Variants in CADM2 observed in about 807,000 individuals in gnomAD.
The protein encoded by CADM2 is cell adhesion molecule 2.
CADM2 carries 12 observed loss-of-function variants against 49.8 expected under a neutral mutation model. The observed-to-expected ratio is 0.24, with a 90% CI of 0.15 to 0.39. The LOEUF is 0.39. Among genes scored for constraint, CADM2 ranks in the 10% least tolerant of loss-of-function variants. The pLI is 1.00. For synonymous variants in CADM2, 214 were observed against 175.4 expected, an observed-to-expected ratio of 1.22 and a Z score of -1.74; for missense variants, 378 against 492.3, an observed-to-expected ratio of 0.77 and a Z score of 2.20.
At chr3:85,925,141 A>C (rs1719659853) in intron 6 of CADM2, among the ~76,000 whole-genome samples, 1 of 100,612 alleles carries the variant, frequency 9.9e-6, no homozygotes, top group Middle Eastern at 4.6e-3. Flanking sequence ...CTTCTGACAA[A>C]TATGTATAAT....
At chr3:85,815,123 A>G (rs977767070) in intron 3 of CADM2, among the ~76,000 whole-genome samples, 2 of 152,150 alleles carry the variant, frequency 1.3e-5, no homozygotes, top group Non-Finnish European at 2.9e-5. Flanking sequence ...AAACTGAAAA[A>G]GTCCAGAACC....
chr3:86,037,059 C>A (rs1171066936), intron 8 of CADM2, among the ~76,000 whole-genome samples: 1 of 152,104 alleles, frequency 6.6e-6, no homozygotes, highest in East Asian at 1.9e-4. Context: ...CAGGACAAGT[C>A]TAACTTATCT....
At chr3:85,921,633 A>G (rs1719128781) in intron 6 of CADM2, among the ~76,000 whole-genome samples, 1 of 152,106 alleles carries the variant, frequency 6.6e-6, no homozygotes. Context: ...CTTTGTCACA[A>G]CTGAAGAACT....
chr3:85,159,314 T>C (rs2040242632), intron 1 of CADM2, among the ~76,000 whole-genome samples: 1 of 146,744 alleles, frequency 6.8e-6, no homozygotes, highest in Non-Finnish European at 1.5e-5. Context: ...TGGTCCAGAG[T>C]GGAGAGATGG....
intron 1 of CADM2, among the ~76,000 whole-genome samples, chr3:85,686,352 T>C (rs934475467): frequency 6.6e-5 from 10 of 152,196 alleles, no homozygotes; most frequent in Admixed American, 6.5e-5. Flanking sequence ...TCTATGAATT[T>C]TTAAAAAATG....
At chr3:85,366,666 C>A (rs1472091152) in intron 1 of CADM2, among the ~76,000 whole-genome samples, 1 of 152,030 alleles carries the variant, frequency 6.6e-6, no homozygotes, top group African/African-American at 2.4e-5. Flanking sequence ...TTTCTAGTAG[C>A]ATTTGTTTTA....
intron 1 of CADM2, among the ~76,000 whole-genome samples, chr3:85,212,878 CTTT>C (rs2041827853): frequency 8.4e-6 from 1 of 119,460 alleles, no homozygotes; most frequent in African/African-American, 4.3e-5. Flanking sequence ...TTCTTTCTTT[CTTT>C]CTTTCTCTTT....
At chr3:85,932,964 A>G (rs1445222324) in intron 6 of CADM2, among the ~76,000 whole-genome samples, 1 of 152,126 alleles carries the variant, frequency 6.6e-6, no homozygotes, top group Non-Finnish European at 1.5e-5. Flanking sequence ...TCAGATCTAA[A>G]GGGAATGCTG....
In CADM2 at chr3:85,068,966, A is replaced by G. The variant is rs183163193; in HGVS notation, c.61+109298A>G. Among the ~76,000 whole-genome samples, 8 of 152,190 alleles carry G rather than the reference A, an allele frequency of 5.3e-5. No individual in the cohort carries two copies. The East Asian group carries it at 1.5e-3, about 29-fold the overall frequency. On this transcript the variant is annotated intron_variant, in intron 1 of 9. Transcript: ENST00000383699. ...ATAGAAACTTTGTCTCATCAATCTC[A>G]TGAACCATTTAGTCCCCATTTCAAG...
At chr3:85,885,087 A>G (rs972047031) in intron 4 of CADM2, among the ~76,000 whole-genome samples, 2 of 152,082 alleles carry the variant, frequency 1.3e-5, no homozygotes, top group African/African-American at 4.8e-5. Context: ...GAAAGAAGCT[A>G]AAGTTAAATT....
intron 1 of CADM2, among the ~76,000 whole-genome samples, chr3:85,036,552 G>A (rs1362318362): frequency 1.3e-5 from 2 of 151,920 alleles, no homozygotes; most frequent in Non-Finnish European, 2.9e-5. Flanking sequence ...AAGCCATTTG[G>A]GTTCTCTTGC....
At chr3:85,088,859 G>A (rs929073562) in intron 1 of CADM2, among the ~76,000 whole-genome samples, 3 of 152,054 alleles carry the variant, frequency 2.0e-5, no homozygotes, top group Non-Finnish European at 4.4e-5. Context: ...TCATGATTAA[G>A]AAGTATTTAC....
intron 1 of CADM2, among the ~76,000 whole-genome samples, chr3:85,354,430 C>G (rs924838074): frequency 4.0e-5 from 6 of 150,720 alleles, no homozygotes; most frequent in South Asian, 2.1e-4. Flanking sequence ...GTGCAGCACA[C>G]CAACATGGCA....
chr3:85,448,065 G>C (rs116629617), intron 1 of CADM2, among the ~76,000 whole-genome samples: 1,772 of 152,032 alleles, frequency 0.012, 30 homozygotes, highest in African/African-American at 0.041. Context: ...GCCGCTGTGG[G>C]TCACGCCTCT....
intron 1 of CADM2, among the ~76,000 whole-genome samples, chr3:85,636,874 G>A (rs1182844581): frequency 6.6e-6 from 1 of 152,132 alleles, no homozygotes. Flanking sequence ...GGTAGGACAT[G>A]CCATCTAGAT....
intron 1 of CADM2, among the ~76,000 whole-genome samples, chr3:85,105,546 G>T (rs1408877133): frequency 6.6e-6 from 1 of 152,232 alleles, no homozygotes; most frequent in African/African-American, 2.4e-5. Flanking sequence ...CAATTCCTCA[G>T]GGATCTAGAA....
chr3:85,155,895 G>C (rs1451075986), intron 1 of CADM2, among the ~76,000 whole-genome samples: 1 of 152,130 alleles, frequency 6.6e-6, no homozygotes, highest in African/African-American at 2.4e-5. Flanking sequence ...AAACCAATGA[G>C]ATCAAAGACA....
intron 1 of CADM2, among the ~76,000 whole-genome samples, chr3:85,049,653 A>C (rs2107399653): frequency 6.6e-6 from 1 of 151,944 alleles, no homozygotes. Flanking sequence ...CCTGGCAAAT[A>C]TTTTTCTTTA....
At chr3:86,047,757 A>G (rs1736842107) in intron 8 of CADM2, among the ~76,000 whole-genome samples, 1 of 152,178 alleles carries the variant, frequency 6.6e-6, no homozygotes, top group South Asian at 2.1e-4. Context: ...CACAAAGTAA[A>G]ATTAACCAAA....
Sources: gnomAD v4.1 joint callset for allele counts (sites outside exome capture counted in the v4.1 genomes callset) on GRCh38, gnomAD v4.1.1 for gene constraint, MANE v1.5 for transcripts, NCBI Gene and HGNC (gene_info 2026-07-23, HGNC 2026-07-21) for gene names.